RNF144A: variants seen among roughly 807,000 people sequenced by gnomAD.
RNF144A encodes the protein ring finger protein 144A, also known as E3 ubiquitin-protein ligase RNF144A.
In RNF144A, 11 loss-of-function variants were observed where a neutral mutation model predicts 38.7. The ratio of observed to expected loss-of-function variants is 0.28; its 90% confidence interval spans 0.18 to 0.47. The LOEUF is 0.47. Ranked by LOEUF, RNF144A falls within the 20% of genes least tolerant of loss-of-function variation. The pLI is 0.99. For missense variants in RNF144A, 316 were observed against 377.2 expected (o/e 0.84, Z 1.34); for synonymous variants, 149 against 143.9 (o/e 1.04, Z -0.25).
chr2:6,996,743 A>C, intron 2 of RNF144A, 173 bp from the exon 3 acceptor site: 2 of 592,734 alleles, frequency 3.4e-6, no homozygotes, highest in Non-Finnish European at 5.9e-6. Flanking sequence ...ACAGAGCGAG[A>C]CTCCATCTCA....
At chr2:7,032,068 CAG>C (rs1444021492) in intron 8 of RNF144A, among the ~76,000 whole-genome samples, 3 of 152,270 alleles carry the variant, frequency 2.0e-5, no homozygotes, top group South Asian at 2.1e-4. Flanking sequence ...ATAAACAAAA[CAG>C]AACAGATGAT....
chr2:6,952,664 A>T (rs1666760931), intron 2 of RNF144A, among the ~76,000 whole-genome samples: 1 of 151,170 alleles, frequency 6.6e-6, no homozygotes, highest in Non-Finnish European at 1.5e-5. Context: ...GAAAAAATTT[A>T]AAAATGAGCA....
At chr2:7,071,102 T>C (rs192794146), downstream of RNF144A, among the ~76,000 whole-genome samples, 221 of 152,132 alleles carry the variant, frequency 1.5e-3, 1 homozygote, top group Middle Eastern at 0.024. Context: ...GCCAGGCTAA[T>C]TTTTTGTATT....
At chr2:6,990,057 G>T (rs1416046176) in intron 2 of RNF144A, among the ~76,000 whole-genome samples, 3 of 152,100 alleles carry the variant, frequency 2.0e-5, no homozygotes, top group Non-Finnish European at 4.4e-5. Flanking sequence ...TTCTCTCCCA[G>T]GGTTCATAAT....
downstream of RNF144A, among the ~76,000 whole-genome samples, chr2:7,072,494 G>A (rs962936626): frequency 9.2e-5 from 14 of 152,186 alleles, no homozygotes; most frequent in Non-Finnish European, 1.3e-4. Flanking sequence ...AATCCCACAG[G>A]AACCTCAGGA....
In RNF144A at chr2:6,944,700, G is replaced by A. The variant is rs1308873148; in HGVS notation, c.-12+3553G>A. Among the ~76,000 whole-genome samples, 3 of 152,030 alleles carry A rather than the reference G, an allele frequency of 2.0e-5. No homozygotes were observed. Among genetic ancestry groups the A allele is most frequent in the African/African-American group, 7.2e-5 (3 of 41,390 alleles). ...GTGAGGGAGACATTAAAGAACCCTG[G>A]AGAAAACACATCACGAGGCCAAGTA... is the stretch of plus-strand genomic sequence containing the variant. On this transcript the variant is annotated intron_variant, in intron 2 of 8. Transcript: ENST00000320892. The surrounding 1 kb of genome is among the most constrained non-coding windows in gnomAD (Gnocchi z 4.7).
downstream of RNF144A, among the ~76,000 whole-genome samples, chr2:7,047,458 A>T (rs577487575): frequency 6.6e-6 from 1 of 152,342 alleles, no homozygotes; most frequent in South Asian, 2.1e-4. Context: ...GAGAAAAATG[A>T]GGAAGAAGCA....
Position 7,040,262 on chromosome 2 carries a change from CAACT to C in RNF144A, c.*503_*506del. 5 of 985,348 alleles carry C rather than the reference CAACT, an allele frequency of 5.1e-6. No individual in the cohort carries two copies. Among genetic ancestry groups the C allele is most frequent in the Non-Finnish European group, 6.0e-6 (5 of 830,032 alleles). 61.0% of individuals were successfully genotyped at this position (985,348 alleles called of 1,614,324 possible). A position where few individuals can be genotyped will look rare whatever the true frequency, so the allele number is the denominator to read the frequency against. ...TCCTTTTTAGAAGGTATTTTTTTTC[CAACT>C]GAGTAGTGAAAATCAACAAGGTGCA... is the stretch of plus-strand genomic sequence containing the variant. On this transcript the variant is annotated 3_prime_UTR_variant, in exon 9 of 9. Coordinates refer to ENST00000320892, the MANE Select transcript of RNF144A (RefSeq NM_014746.6).
At chr2:6,928,534 G>T (rs552069491) in intron 1 of RNF144A, among the ~76,000 whole-genome samples, 1 of 152,188 alleles carries the variant, frequency 6.6e-6, no homozygotes, top group African/African-American at 2.4e-5. Flanking sequence ...AAGCCCACAT[G>T]TCTAGAATAC....
Position 6,941,699 on chromosome 2 carries a change from G to A in RNF144A, c.-12+552G>A, listed in dbSNP as rs1346506972. 2.6e-5 allele frequency among the ~76,000 whole-genome samples: 4 copies of A among 152,258 alleles called. No homozygotes were observed. Among genetic ancestry groups the A allele is most frequent in the Admixed American group, 1.3e-4 (2 of 15,294 alleles). The stretch of plus-strand genomic sequence containing the variant: ...AAGTAGACCATGTCTAGTACGACGG[G>A]GCAGGTTGCAGTTTTAAGTGGAGTG... On this transcript the variant is annotated intron_variant, in intron 2 of 8. Coordinates refer to ENST00000320892, the MANE Select transcript of RNF144A (RefSeq NM_014746.6). The surrounding 1 kb of genome is among the most constrained non-coding windows in gnomAD (Gnocchi z 6.5).
intron 2 of RNF144A, among the ~76,000 whole-genome samples, chr2:6,981,986 G>T (rs549591141): frequency 1.3e-5 from 2 of 152,198 alleles, no homozygotes; most frequent in Non-Finnish European, 2.9e-5. Context: ...TCACAAGGCG[G>T]CAGGAGAGAG....
chr2:7,045,014 A>G (rs954059165), downstream of RNF144A, among the ~76,000 whole-genome samples: 5 of 152,258 alleles, frequency 3.3e-5, no homozygotes, highest in African/African-American at 1.2e-4. Flanking sequence ...TTGCGGGCAC[A>G]GCACAGCCCT....
chr2:6,948,299 T>C (rs969079399), intron 2 of RNF144A, among the ~76,000 whole-genome samples: 1 of 152,048 alleles, frequency 6.6e-6, no homozygotes, highest in African/African-American at 2.4e-5. Context: ...TTAGAGGAGG[T>C]TGATTTTTAT....
chr2:7,071,958 C>T (rs550020683), downstream of RNF144A, among the ~76,000 whole-genome samples: 56 of 152,342 alleles, frequency 3.7e-4, no homozygotes, highest in African/African-American at 1.3e-3. Context: ...TGCTCCTACT[C>T]GACAGGCTCC....
chr2:6,973,898 A>G (rs1337719543), intron 2 of RNF144A, among the ~76,000 whole-genome samples: 1 of 152,224 alleles, frequency 6.6e-6, no homozygotes, highest in East Asian at 1.9e-4. Context: ...CCCATGATCC[A>G]CAAAGCCTGA....
At chr2:7,044,765 T>C (rs1673234348), downstream of RNF144A, among the ~76,000 whole-genome samples, 1 of 152,226 alleles carries the variant, frequency 6.6e-6, no homozygotes, top group Non-Finnish European at 1.5e-5. Context: ...CATATGATGC[T>C]CAAGTCTGGA....
intron 5 of RNF144A, among the ~76,000 whole-genome samples, chr2:7,018,129 T>C (rs1671262923): frequency 6.6e-6 from 1 of 152,134 alleles, no homozygotes. Flanking sequence ...AGCTTTGGGA[T>C]GTCTGCTCCT....
Position 7,032,099 on chromosome 2 carries a change from C to T in RNF144A, c.747+1884C>T, listed in dbSNP as rs568875407. Among the ~76,000 whole-genome samples the T allele has an allele frequency of 9.1e-4, 138 of 152,396 alleles. 1 individual carries two copies. Among genetic ancestry groups the T allele is most frequent in the African/African-American group, 3.1e-3 (130 of 41,602 alleles). On this transcript the variant is annotated intron_variant, in intron 8 of 8. Transcript: ENST00000320892. Reference sequence around the variant, plus strand: ...AGATGATGAAGGCAGATTTGGCCCCCGGGCCATGGCGTACTGCCCTCTGGT... The same window carrying T: ...AGATGATGAAGGCAGATTTGGCCCCTGGGCCATGGCGTACTGCCCTCTGGT...
chr2:7,039,514 G>A (rs1672912062), intron 8 of RNF144A, 115 bp from the exon 9 acceptor site: 1 of 1,519,942 alleles, frequency 6.6e-7, no homozygotes, highest in Middle Eastern at 1.9e-4. Context: ...ATAGATGGAT[G>A]GTTGGGTGGA....
Sources: gnomAD v4.1 joint callset for allele counts (sites outside exome capture counted in the v4.1 genomes callset) on GRCh38, gnomAD v4.1.1 for gene constraint, Gnocchi (gnomAD v3.1) non-coding constraint, MANE v1.5 for transcripts, NCBI Gene and HGNC (gene_info 2026-07-23, HGNC 2026-07-21) for gene names.